The following FBLN5 variants were observed in gnomAD, a reference collection of about 807,000 sequenced individuals.
FBLN5 encodes the protein fibulin 5.
Under a neutral mutation model 61.6 loss-of-function variants are expected in FBLN5, and 24 were observed. The observed-to-expected ratio is 0.39, with a 90% CI of 0.28 to 0.55. The LOEUF is 0.55. Among genes scored for constraint, FBLN5 ranks in the 20% least tolerant of loss-of-function variants. The pLI is 0.65. For synonymous variants in FBLN5, 213 were observed against 219.8 expected, an observed-to-expected ratio of 0.97 and a Z score of 0.27; for missense variants, 470 against 594.1, an observed-to-expected ratio of 0.79 and a Z score of 2.17.
intron 4 of FBLN5, among the ~76,000 whole-genome samples, chr14:91,924,515 C>T (rs1362826827): frequency 9.4e-6 from 1 of 106,394 alleles, no homozygotes; most frequent in African/African-American, 3.5e-5. Context: ...TGGTGAAACC[C>T]CGTCTCTTCT....
At chr14:91,881,235 C>T in intron 9 of FBLN5, 57 bp downstream of exon 9, 1 of 1,609,018 alleles carries the variant, frequency 6.2e-7, no homozygotes, top group Non-Finnish European at 8.5e-7. Flanking sequence ...ACACCTCCAA[C>T]CTCCTGAGCC....
chr14:91,889,492 C>T (rs1451428355), intron 6 of FBLN5, among the ~76,000 whole-genome samples: 1 of 152,230 alleles, frequency 6.6e-6, no homozygotes, highest in Non-Finnish European at 1.5e-5. Flanking sequence ...CCTGGTTTTA[C>T]TCTCAGATCT....
chr14:91,880,890 T>C (rs1277564156), intron 9 of FBLN5, among the ~76,000 whole-genome samples: 1 of 152,094 alleles, frequency 6.6e-6, no homozygotes, highest in Admixed American at 6.5e-5. Flanking sequence ...TCAAACATTT[T>C]GAAAAATAGT....
chr14:91,876,920 TG>T (rs1399953839), intron 10 of FBLN5, among the ~76,000 whole-genome samples: 1 of 152,118 alleles, frequency 6.6e-6, no homozygotes, highest in Non-Finnish European at 1.5e-5. Context: ...TTCGACCTCC[TG>T]GGCTCAAGCA....
At chr14:91,934,756 C>G (rs570124427) in intron 4 of FBLN5, among the ~76,000 whole-genome samples, 1 of 152,246 alleles carries the variant, frequency 6.6e-6, no homozygotes, top group Non-Finnish European at 1.5e-5. Flanking sequence ...TCTCAATGAT[C>G]CCCCCATCTG....
intron 4 of FBLN5, among the ~76,000 whole-genome samples, chr14:91,936,481 G>A (rs77351583): frequency 7.2e-4 from 109 of 152,276 alleles, no homozygotes; most frequent in African/African-American, 2.5e-3. Context: ...ACAGTTGGCC[G>A]TGCCCTTCAA....
At chr14:91,883,655 AAC>A (rs1445954552) in intron 7 of FBLN5, among the ~76,000 whole-genome samples, 1 of 149,604 alleles carries the variant, frequency 6.7e-6, no homozygotes, top group Non-Finnish European at 1.5e-5. Context: ...TAAAAAAAAA[AAC>A]AAAAAAAACA....
intron 3 of FBLN5, among the ~76,000 whole-genome samples, chr14:91,938,704 C>T (rs2056059591): frequency 6.6e-6 from 1 of 152,166 alleles, no homozygotes. Flanking sequence ...TAGACATGAT[C>T]CCGTATACCG....
chr14:91,917,590 AAAAAAAAAAAG>A lies in FBLN5; in HGVS notation c.379+19346_379+19356del, dbSNP rs1197596472. Among the ~76,000 whole-genome samples, 5 of 151,590 alleles carry A rather than the reference AAAAAAAAAAAG, an allele frequency of 3.3e-5. No homozygotes were observed. In the East Asian group the frequency reaches 9.7e-4, roughly 29 times the overall value. ...GACTCCATCTCAAAAAAAAAAAAAAAAAAAAAAAAAGAAAGAAAGAAAAAACAAAATACGTT... is the reference window on the plus strand; with the variant it reads ...GACTCCATCTCAAAAAAAAAAAAAAAAAAGAAAGAAAAAACAAAATACGTT... On this transcript the variant is annotated intron_variant, in intron 4 of 10. Transcript: ENST00000342058.
chr14:91,903,067 G>A (rs1243687250), intron 4 of FBLN5, among the ~76,000 whole-genome samples: 1 of 152,048 alleles, frequency 6.6e-6, no homozygotes, highest in Non-Finnish European at 1.5e-5. Flanking sequence ...ATGTACCCCT[G>A]TATCTCAAAT....
chr14:91,883,068 C>G lies in FBLN5; in HGVS notation c.748G>C (p.Glu250Gln). 6.2e-7 allele frequency: 1 copy of G among 1,613,890 alleles called. No individual in the cohort carries two copies. The highest frequency in any genetic ancestry group is 8.5e-7 in the Non-Finnish European group (1 of 1,179,854). ...CAGAGGAACTCAGAGAAGCTGCACTCGTCCATATCTGGGGTGACAAGTCAC... is the reference window on the plus strand; with the variant it reads ...CAGAGGAACTCAGAGAAGCTGCACTGGTCCATATCTGGGGTGACAAGTCAC... ...EDGVHCSDMD[E>Q]CSFSEFLCQH... The change falls in exon 8 of 11, where the codon GAG becomes CAG. Residue 250 changes from glutamate (E) to glutamine (Q), a missense_variant. Glu to Gln is a conservative substitution (Grantham distance 29, BLOSUM62 2). Coordinates refer to ENST00000342058, the MANE Select transcript of FBLN5 (RefSeq NM_006329.4).
intron 4 of FBLN5, among the ~76,000 whole-genome samples, chr14:91,906,135 C>A (rs1044179192): frequency 5.3e-5 from 8 of 152,214 alleles, no homozygotes; most frequent in Non-Finnish European, 1.0e-4. Flanking sequence ...GATCTGCCTG[C>A]CTCAGCCTCC....
intron 4 of FBLN5, 148 bp from the exon 5 acceptor site, chr14:91,895,220 G>A (rs942207551): frequency 4.8e-5 from 41 of 856,440 alleles, no homozygotes; most frequent in South Asian, 1.7e-4. Context: ...TTCCCCGATG[G>A]GCACCTCTAG....
intron 4 of FBLN5, among the ~76,000 whole-genome samples, chr14:91,922,324 A>AAATAAATAAAT (rs2055751566): frequency 6.8e-6 from 1 of 147,820 alleles, no homozygotes; most frequent in African/African-American, 2.5e-5. Context: ...GTAAATAAAT[A>AAATAAATAAAT]AATAAATAAA....
intron 4 of FBLN5, among the ~76,000 whole-genome samples, chr14:91,911,548 A>G (rs1035020636): frequency 2.0e-5 from 3 of 152,282 alleles, no homozygotes; most frequent in Non-Finnish European, 4.4e-5. Context: ...CACCTCCTAA[A>G]AGAAAAAATA....
At chr14:91,874,378 G>A (rs2284337) in intron 10 of FBLN5, 38,193 of 152,126 alleles carry the variant, frequency 0.25, 4,886 homozygotes, top group Middle Eastern at 0.39. Flanking sequence ...ACTTTCTATT[G>A]TAACTGGATG....
chr14:91,871,796 G>T (rs1442544783), intron 10 of FBLN5, among the ~76,000 whole-genome samples: 1 of 151,750 alleles, frequency 6.6e-6, no homozygotes, highest in African/African-American at 2.4e-5. Flanking sequence ...GGCAGAGGTT[G>T]CAGTGAATAG....
At chr14:91,926,340 C>T (rs942677326) in intron 4 of FBLN5, among the ~76,000 whole-genome samples, 4 of 152,174 alleles carry the variant, frequency 2.6e-5, no homozygotes, top group African/African-American at 4.8e-5. Flanking sequence ...TCTCTGATGA[C>T]GGGTCAGCCC....
chr14:91,891,094 G>A (rs183993891), intron 6 of FBLN5, 127 bp downstream of exon 6: 27 of 736,992 alleles, frequency 3.7e-5, no homozygotes, highest in Admixed American at 2.2e-4. Flanking sequence ...GGGGATGGGC[G>A]GGCAGTGGCA....
Sources: gnomAD v4.1 joint callset for allele counts (sites outside exome capture counted in the v4.1 genomes callset) on GRCh38, gnomAD v4.1.1 for gene constraint, MANE v1.5 for transcripts, NCBI Gene and HGNC (gene_info 2026-07-23, HGNC 2026-07-21) for gene names.